The following ADAMTS20 variants were observed in gnomAD, a reference collection of about 807,000 sequenced individuals.
ADAMTS20 encodes ADAM metallopeptidase with thrombospondin type 1 motif 20.
In ADAMTS20, 225 loss-of-function variants were observed where a neutral mutation model predicts 260.1. The observed-to-expected ratio is 0.87, with a 90% confidence interval of 0.78 to 0.97. ADAMTS20 has a LOEUF of 0.97. Among genes scored for constraint, ADAMTS20 ranks in the 50% least tolerant of loss-of-function variants. The probability of loss-of-function intolerance (pLI) is 0.00; values close to 1 mark genes in which losing one functional copy is unlikely to be tolerated. For missense variants in ADAMTS20, 2,400 were observed against 2,337.7 expected (o/e 1.03, Z -0.55); for synonymous variants, 802 against 769.5 (o/e 1.04, Z -0.70).
rs201209782 is a variant in ADAMTS20 at position 43,405,416 on chromosome 12, TCTAATAATAATAATAATA to T, written c.4285-6201_4285-6184del. On this transcript the variant is annotated intron_variant, in intron 28 of 38. Transcript: ENST00000389420. Reference sequence around the variant, plus strand: ...CTGGGCAACAGAAGAAGACGTCTTCTCTAATAATAATAATAATAATAATAATAATAATAATAATAATAA... The same window carrying T: ...CTGGGCAACAGAAGAAGACGTCTTCTATAATAATAATAATAATAATAATAA... 6.0e-3 allele frequency among the ~76,000 whole-genome samples: 419 copies of T among 70,030 alleles called. 15 individuals carry two copies. The East Asian group carries it at 0.15, about 25-fold the overall frequency. The allele number at this position is 70,030 out of a possible 152,430, so 45.9% of individuals were successfully genotyped here. A position where few individuals can be genotyped will look rare whatever the true frequency, so the allele number is the denominator to read the frequency against.
intron 33 of ADAMTS20, 35 bp downstream of exon 33, chr12:43,376,489 C>T: frequency 6.3e-7 from 1 of 1,588,132 alleles, no homozygotes; most frequent in African/African-American, 1.4e-5. Flanking sequence ...TATTAGAAAC[C>T]CTTAGGTATT....
At chr12:43,419,228 AATAC>A (rs1941185523) in intron 28 of ADAMTS20, among the ~76,000 whole-genome samples, 1 of 152,156 alleles carries the variant, frequency 6.6e-6, no homozygotes, top group Admixed American at 6.5e-5. Flanking sequence ...ATGACTATAT[AATAC>A]ATATATATGG....
Position 43,423,337 on chromosome 12 carries a change from T to G in ADAMTS20, c.4284+2177A>C, listed in dbSNP as rs1207882368. 203 of 174,344 alleles carry G rather than the reference T, an allele frequency of 1.2e-3. 1 individual carries two copies. The highest frequency in any genetic ancestry group is 4.6e-3 in the African/African-American group (194 of 42,012). 10.8% of individuals were successfully genotyped at this position (174,344 alleles called of 1,614,324 possible). A position where few individuals can be genotyped will look rare whatever the true frequency, so the allele number is the denominator to read the frequency against. ...CAGGCCAGATTTGGTACCTGGACCA[T>G]AGTTTGCTGACCTCTAAAACAGAGA... On this transcript the variant is annotated intron_variant, in intron 28 of 38. Coordinates refer to ENST00000389420, the MANE Select transcript of ADAMTS20 (RefSeq NM_025003.5).
At chr12:43,426,428 C>G (rs1325688199) in intron 27 of ADAMTS20, among the ~76,000 whole-genome samples, 1 of 152,048 alleles carries the variant, frequency 6.6e-6, no homozygotes, top group Non-Finnish European at 1.5e-5. Context: ...TTTCAAACTC[C>G]CAATGAACAG....
chr12:43,528,986 G>T (rs943971897), intron 3 of ADAMTS20, among the ~76,000 whole-genome samples: 1 of 152,048 alleles, frequency 6.6e-6, no homozygotes, highest in Non-Finnish European at 1.5e-5. Flanking sequence ...ATTAAAAAGT[G>T]GGCAAAGTCC....
chr12:43,428,358 C>T lies in ADAMTS20; in HGVS notation c.3828G>A (p.Gln1276=). 6.2e-7 allele frequency: 1 copy of T among 1,613,866 alleles called. No individual in the cohort carries two copies. The highest frequency in any genetic ancestry group is 8.5e-7 in the Non-Finnish European group (1 of 1,179,870). The change falls in exon 26 of 39, where the codon CAG becomes CAA. Residue 1276 remains glutamine (Q), a synonymous_variant. Coordinates refer to ENST00000389420, the MANE Select transcript of ADAMTS20 (RefSeq NM_025003.5). The stretch of plus-strand genomic sequence containing the variant: ...AATTCGTGCTTAGATAATAGCTTGG[C>T]TGCACAGGGGAACTAGGAAAGTGGC... ...AHSHFPSSPV[Q]PSYYLSTNLP... is the part of the protein sequence containing the mutation.
intron 29 of ADAMTS20, 122 bp from the exon 30 acceptor site, chr12:43,384,099 A>C: frequency 1.1e-6 from 1 of 932,986 alleles, no homozygotes; most frequent in East Asian, 2.7e-5. Context: ...AACATGAATT[A>C]GATAAAAAAT....
At chr12:43,361,835 TAATAA>T (rs976417080) in intron 37 of ADAMTS20, among the ~76,000 whole-genome samples, 4 of 152,228 alleles carry the variant, frequency 2.6e-5, no homozygotes, top group African/African-American at 9.6e-5. Flanking sequence ...GAAAATTCAT[TAATAA>T]AATAAAATAA....
At chr12:43,417,658 G>C (rs1408206002) in intron 28 of ADAMTS20, among the ~76,000 whole-genome samples, 1 of 152,194 alleles carries the variant, frequency 6.6e-6, no homozygotes, top group East Asian at 1.9e-4. Context: ...CTAAGTCACA[G>C]TCTTTCAAAA....
intron 6 of ADAMTS20, among the ~76,000 whole-genome samples, chr12:43,490,973 A>G (rs1245676917): frequency 1.3e-5 from 2 of 152,012 alleles, no homozygotes; most frequent in African/African-American, 4.8e-5. Context: ...GCTTTTAACT[A>G]CAATCCAAGG....
At chr12:43,448,801 A>C (rs1048410526) in intron 14 of ADAMTS20, among the ~76,000 whole-genome samples, 4 of 152,280 alleles carry the variant, frequency 2.6e-5, no homozygotes, top group Admixed American at 1.3e-4. Context: ...AGAAAAAAAA[A>C]CAATCCCATT....
At chr12:43,413,839 C>T (rs1941078263) in intron 28 of ADAMTS20, among the ~76,000 whole-genome samples, 1 of 152,132 alleles carries the variant, frequency 6.6e-6, no homozygotes, top group African/African-American at 2.4e-5. Context: ...CTTCCCTTTT[C>T]AGTCCTTCAG....
chr12:43,364,480 A>G (rs1939939804), intron 37 of ADAMTS20, among the ~76,000 whole-genome samples: 1 of 152,174 alleles, frequency 6.6e-6, no homozygotes, highest in African/African-American at 2.4e-5. Flanking sequence ...AGGAGGTATG[A>G]TAACTGTGTC....
At chr12:43,482,119 A>T (rs1255959304) in intron 7 of ADAMTS20, among the ~76,000 whole-genome samples, 3 of 152,222 alleles carry the variant, frequency 2.0e-5, no homozygotes, top group African/African-American at 7.2e-5. Context: ...TCCAGCAGGG[A>T]TGGAAGAAAG....
chr12:43,529,339 A>G (rs1272730805), intron 3 of ADAMTS20, among the ~76,000 whole-genome samples: 1 of 152,200 alleles, frequency 6.6e-6, no homozygotes, highest in Non-Finnish European at 1.5e-5. Flanking sequence ...TATATGAAAG[A>G]GACACATGCA....
chr12:43,529,892 AT>A (rs1203521694), intron 3 of ADAMTS20, among the ~76,000 whole-genome samples: 1 of 152,300 alleles, frequency 6.6e-6, no homozygotes, highest in East Asian at 1.9e-4. Flanking sequence ...GATAATTTTA[AT>A]TGCATTTGCA....
intron 23 of ADAMTS20, 125 bp downstream of exon 23, chr12:43,430,227 A>G: frequency 8.9e-7 from 1 of 1,129,742 alleles, no homozygotes; most frequent in Admixed American, 3.2e-5. Context: ...CCTCTCTCTC[A>G]CACATACACG....
Position 43,551,410 on chromosome 12 carries a change from C to A in ADAMTS20, c.92-140G>T. 1 of 1,224,626 alleles carries A rather than the reference C, an allele frequency of 8.2e-7. No homozygotes were observed. The highest frequency in any genetic ancestry group is 1.1e-6 in the Non-Finnish European group (1 of 900,880). 75.9% of individuals were successfully genotyped at this position (1,224,626 alleles called of 1,614,324 possible). On this transcript the variant is annotated intron_variant, in intron 1 of 38. Coordinates refer to ENST00000389420, the MANE Select transcript of ADAMTS20 (RefSeq NM_025003.5). This position sits in a 1 kb window ranked among gnomAD's most constrained non-coding sequence, Gnocchi z 4.6. ...CAAGACAAATGCACACATGCTGATG[C>A]GCACGCACACACACACACGTGCACT...
At chr12:43,437,550 A>G (rs759791801) in intron 18 of ADAMTS20, among the ~76,000 whole-genome samples, 42 of 152,226 alleles carry the variant, frequency 2.8e-4, no homozygotes, top group Non-Finnish European at 3.5e-4. Flanking sequence ...ATGAAATTGG[A>G]AAACAAGCCA....
Sources: gnomAD v4.1 joint callset for allele counts (sites outside exome capture counted in the v4.1 genomes callset) on GRCh38, gnomAD v4.1.1 for gene constraint, Gnocchi (gnomAD v3.1) non-coding constraint, MANE v1.5 for transcripts, NCBI Gene and HGNC (gene_info 2026-07-23, HGNC 2026-07-21) for gene names.